The following CHLSN variants were observed in gnomAD, a reference collection of about 807,000 sequenced individuals.
The protein encoded by CHLSN is protein cholesin.
chr7:1,089,526 C>T, the CHLSN span, among the ~76,000 whole-genome samples: 1 of 152,102 alleles, frequency 6.6e-6, no homozygotes, highest in South Asian at 2.1e-4. Flanking sequence ...TCAGGCGATC[C>T]TCCTGCCTCA....
At chr7:1,090,570 C>G in the CHLSN span, among the ~76,000 whole-genome samples, 1 of 147,868 alleles carries the variant, frequency 6.8e-6, no homozygotes, top group African/African-American at 2.6e-5. Flanking sequence ...CGGGGTGACA[C>G]GGGGCGGGTG....
the CHLSN span, chr7:987,245 G>A: frequency 6.6e-7 from 1 of 1,521,388 alleles, no homozygotes; most frequent in South Asian, 1.2e-5. Flanking sequence ...GGACGTGCAG[G>A]GTGAGACCCC....
the CHLSN span, among the ~76,000 whole-genome samples, chr7:978,026 C>T: frequency 3.3e-5 from 5 of 152,204 alleles, no homozygotes; most frequent in Admixed American, 6.5e-5. Flanking sequence ...CTGCAGCAGC[C>T]GCTTAGCAGT....
chr7:1,106,268 C>T, the CHLSN span, among the ~76,000 whole-genome samples: 1 of 152,210 alleles, frequency 6.6e-6, no homozygotes, highest in Non-Finnish European at 1.5e-5. Flanking sequence ...GAGACAGCCA[C>T]CTGGTCCCTG....
the CHLSN span, among the ~76,000 whole-genome samples, chr7:1,016,480 G>GC: frequency 8.2e-5 from 7 of 84,910 alleles, no homozygotes; most frequent in South Asian, 1.9e-3. Flanking sequence ...TAGCAGCACA[G>GC]CAGCACACAG....
At chr7:1,023,994 C>G in the CHLSN span, among the ~76,000 whole-genome samples, 2 of 152,206 alleles carry the variant, frequency 1.3e-5, no homozygotes, top group Non-Finnish European at 1.5e-5. The surrounding 1 kb of genome is among the most constrained non-coding windows in gnomAD (Gnocchi z 5.0). Context: ...GCATGTGCCA[C>G]CATGCCTGGC....
At chr7:1,106,395 G>A in the CHLSN span, among the ~76,000 whole-genome samples, 4 of 152,172 alleles carry the variant, frequency 2.6e-5, no homozygotes, top group Non-Finnish European at 4.4e-5. Flanking sequence ...TCTGGGTGCC[G>A]TGTGGGGGAG....
the CHLSN span, chr7:988,300 G>A: frequency 6.2e-7 from 1 of 1,602,212 alleles, no homozygotes; most frequent in South Asian, 1.1e-5. Context: ...TTCCCCTGCT[G>A]ACCTCGGTGC....
At chr7:1,022,026 G>A in the CHLSN span, among the ~76,000 whole-genome samples, 3 of 152,310 alleles carry the variant, frequency 2.0e-5, no homozygotes, top group South Asian at 4.1e-4. Flanking sequence ...GCCCACAGGC[G>A]TGGCGCCTGG....
chr7:1,016,329 A>G, the CHLSN span, among the ~76,000 whole-genome samples: 1 of 69,662 alleles, frequency 1.4e-5, no homozygotes, highest in Non-Finnish European at 2.6e-5. Flanking sequence ...ACACAGCAGC[A>G]CAGCAGCACA....
the CHLSN span, among the ~76,000 whole-genome samples, chr7:1,076,508 G>C: frequency 6.6e-6 from 1 of 152,232 alleles, no homozygotes; most frequent in Non-Finnish European, 1.5e-5. Flanking sequence ...GGAGCCTGCA[G>C]GCGGACTGGG....
At chr7:984,330 C>T in the CHLSN span, 1 of 1,494,234 alleles carries the variant, frequency 6.7e-7, no homozygotes, top group Non-Finnish European at 8.9e-7. Context: ...CCACCCCTAC[C>T]CAGCACAGGC....
At chr7:1,080,402 C>G in the CHLSN span, among the ~76,000 whole-genome samples, 2 of 152,244 alleles carry the variant, frequency 1.3e-5, no homozygotes, top group Non-Finnish European at 1.5e-5. Flanking sequence ...CACACCATCT[C>G]AAGCGCAGGA....
chr7:996,718 G>A, the CHLSN span, among the ~76,000 whole-genome samples: 1 of 152,234 alleles, frequency 6.6e-6, no homozygotes, highest in Admixed American at 6.5e-5. Context: ...CATCACTTGG[G>A]GGCAGGGACC....
At chr7:1,070,377 G>A in the CHLSN span, among the ~76,000 whole-genome samples, 1 of 122,896 alleles carries the variant, frequency 8.1e-6, no homozygotes, top group African/African-American at 2.8e-5. Context: ...CCCCCGCCCG[G>A]CCAGCCGCCC....
chr7:1,044,919 G>C, the CHLSN span, among the ~76,000 whole-genome samples: 8 of 152,254 alleles, frequency 5.3e-5, no homozygotes, highest in Non-Finnish European at 1.0e-4. Context: ...TCTGCTGCTG[G>C]CGTAGGCGGC....
At chr7:987,142 C>G in the CHLSN span, 4 of 1,573,268 alleles carry the variant, frequency 2.5e-6, no homozygotes, top group African/African-American at 4.1e-5. Flanking sequence ...CTGAGGCCAA[C>G]GCGGTGGCCT....
At chr7:1,090,184 G>C in the CHLSN span, among the ~76,000 whole-genome samples, 22,650 of 152,238 alleles carry the variant, frequency 0.15, 2,010 homozygotes, top group South Asian at 0.19. Context: ...CAGGGCACCA[G>C]CACCATCTGG....
the CHLSN span, among the ~76,000 whole-genome samples, chr7:1,072,216 C>G: frequency 1.3e-5 from 2 of 152,206 alleles, no homozygotes; most frequent in Non-Finnish European, 1.5e-5. Flanking sequence ...CCACGGTCAG[C>G]ACACACTGAC....
Sources: gnomAD v4.1 joint callset for allele counts (sites outside exome capture counted in the v4.1 genomes callset) on GRCh38, gnomAD v4.1.1 for gene constraint, Gnocchi (gnomAD v3.1) non-coding constraint, MANE v1.5 for transcripts, NCBI Gene and HGNC (gene_info 2026-07-23, HGNC 2026-07-21) for gene names.